Variants in CRPPA observed in about 807,000 individuals in gnomAD.
The protein encoded by CRPPA is CDP-L-ribitol pyrophosphorylase A, also known as D-ribitol-5-phosphate cytidylyltransferase.
Under a neutral mutation model 52.0 loss-of-function variants are expected in CRPPA, and 43 were observed. The ratio of observed to expected loss-of-function variants is 0.83; its 90% CI spans 0.65 to 1.07. CRPPA has a LOEUF of 1.07. Among genes scored for constraint, CRPPA ranks in the 50% least tolerant of loss-of-function variants. CRPPA has a pLI of 0.00. For missense variants in CRPPA, 629 were observed against 551.7 expected (o/e 1.14, Z -1.40); for synonymous variants, 250 against 203.5 (o/e 1.23, Z -1.94).
At chr7:16,344,226 C>G (rs1785943853) in intron 3 of CRPPA, among the ~76,000 whole-genome samples, 1 of 151,832 alleles carries the variant, frequency 6.6e-6, no homozygotes, top group Non-Finnish European at 1.5e-5. Flanking sequence ...GAGGGAAAAG[C>G]AGTCAAGAGA....
At chr7:16,351,108 T>C (rs1007855681) in intron 3 of CRPPA, among the ~76,000 whole-genome samples, 3 of 151,796 alleles carry the variant, frequency 2.0e-5, no homozygotes, top group Admixed American at 1.3e-4. Context: ...AAGCAAACAC[T>C]AAGAGATATG....
chr7:16,137,098 T>G (rs943192390), intron 9 of CRPPA, among the ~76,000 whole-genome samples: 2 of 152,242 alleles, frequency 1.3e-5, no homozygotes, highest in African/African-American at 4.8e-5. Context: ...AATTCATATG[T>G]TGAAATCCTA....
At chr7:16,133,088 T>G (rs993247017) in intron 9 of CRPPA, among the ~76,000 whole-genome samples, 1 of 121,444 alleles carries the variant, frequency 8.2e-6, no homozygotes, top group African/African-American at 2.7e-5. Flanking sequence ...GCTTGGGATG[T>G]CAAAGCACTT....
At chr7:16,282,797 T>C (rs1248915538) in intron 5 of CRPPA, among the ~76,000 whole-genome samples, 4 of 152,048 alleles carry the variant, frequency 2.6e-5, no homozygotes, top group Non-Finnish European at 5.9e-5. Flanking sequence ...GTTTCTATAT[T>C]GTCAGCTAAT....
At chr7:16,243,827 C>A (rs1783194098) in intron 8 of CRPPA, among the ~76,000 whole-genome samples, 1 of 152,012 alleles carries the variant, frequency 6.6e-6, no homozygotes, top group Admixed American at 6.6e-5. Flanking sequence ...ATTAGCCAGG[C>A]ATAGTGGTGT....
chr7:16,243,049 T>C (rs1431990973), intron 8 of CRPPA, among the ~76,000 whole-genome samples: 2 of 152,196 alleles, frequency 1.3e-5, no homozygotes, highest in Non-Finnish European at 2.9e-5. Flanking sequence ...TTTCAAATTG[T>C]AATTCCCACA....
At chr7:16,109,779 C>A (rs1027180245) in intron 9 of CRPPA, among the ~76,000 whole-genome samples, 5 of 151,928 alleles carry the variant, frequency 3.3e-5, no homozygotes, top group African/African-American at 1.2e-4. Flanking sequence ...AAAACTCTCA[C>A]ATTAGGTATA....
At position 16,284,963 on chromosome 7, in the gene CRPPA, A is replaced by T. The variant is rs143142135; in HGVS notation, c.836-6737T>A. ...TCCTCAATCCCAGAGTTATTCGAGGATCCCCAAACTAAATGAGAGGAGAAA... is the reference window on the plus strand; with the variant it reads ...TCCTCAATCCCAGAGTTATTCGAGGTTCCCCAAACTAAATGAGAGGAGAAA... On this transcript the variant is annotated intron_variant, in intron 5 of 9. Transcript: ENST00000407010. Among the ~76,000 whole-genome samples the T allele has an allele frequency of 2.1e-4, 32 of 152,280 alleles. No homozygotes were observed. In the East Asian group the frequency reaches 6.0e-3, roughly 28 times the overall value.
At chr7:16,139,543 G>C (rs551047146) in intron 9 of CRPPA, among the ~76,000 whole-genome samples, 18 of 152,108 alleles carry the variant, frequency 1.2e-4, no homozygotes, top group Admixed American at 8.5e-4. Flanking sequence ...TGGTGCAAAA[G>C]TTACTGTGGT....
chr7:16,111,663 T>G (rs148871205), intron 9 of CRPPA, among the ~76,000 whole-genome samples: 1 of 152,224 alleles, frequency 6.6e-6, no homozygotes, highest in African/African-American at 2.4e-5. Flanking sequence ...AAAATAAGCC[T>G]GACACAGAAG....
chr7:16,258,557 G>A, intron 7 of CRPPA, 75 bp from the exon 8 acceptor site: 2 of 799,814 alleles, frequency 2.5e-6, no homozygotes, highest in Non-Finnish European at 4.0e-6. Flanking sequence ...AGGAATAAAT[G>A]GAGAGATTCT....
intron 8 of CRPPA, among the ~76,000 whole-genome samples, chr7:16,227,041 G>A (rs2128401774): frequency 6.6e-6 from 1 of 152,018 alleles, no homozygotes; most frequent in Non-Finnish European, 1.5e-5. Flanking sequence ...ATGTCCTCCA[G>A]ATTCAGCCAC....
chr7:16,233,185 C>T (rs1205957002), intron 8 of CRPPA, among the ~76,000 whole-genome samples: 1 of 151,862 alleles, frequency 6.6e-6, no homozygotes, highest in Non-Finnish European at 1.5e-5. Flanking sequence ...AACAGACCAC[C>T]AGTGAGATAT....
At chr7:16,093,553 T>G (rs1583350143) in intron 9 of CRPPA, among the ~76,000 whole-genome samples, 2 of 152,312 alleles carry the variant, frequency 1.3e-5, no homozygotes, top group Admixed American at 1.3e-4. Context: ...ATCTGCAAGA[T>G]GCTGAATGTC....
intron 3 of CRPPA, among the ~76,000 whole-genome samples, chr7:16,333,223 A>G (rs1360424269): frequency 1.3e-5 from 2 of 152,192 alleles, no homozygotes; most frequent in Non-Finnish European, 2.9e-5. Context: ...CACACAAAAC[A>G]AAAGCAATAA....
intron 3 of CRPPA, among the ~76,000 whole-genome samples, chr7:16,351,755 A>T (rs1786160186): frequency 6.6e-6 from 1 of 152,220 alleles, no homozygotes; most frequent in East Asian, 1.9e-4. Flanking sequence ...TTAAAAAGTC[A>T]GGAAACAACA....
intron 9 of CRPPA, among the ~76,000 whole-genome samples, chr7:16,110,717 T>C (rs916543191): frequency 6.6e-6 from 1 of 152,106 alleles, no homozygotes; most frequent in African/African-American, 2.4e-5. Flanking sequence ...TTTCAATAAA[T>C]GGTGCTGGGA....
In CRPPA at chr7:16,263,211, T is replaced by C. The variant is rs1396520428; in HGVS notation, c.934-4199A>G. On this transcript the variant is annotated intron_variant, in intron 6 of 9. Coordinates refer to ENST00000407010, the MANE Select transcript of CRPPA (RefSeq NM_001101426.4). ...TCCCATTAGATTAAATCTAAAATAG[T>C]GACTTTGACATTAAAGCCCTTCATA... Among the ~76,000 whole-genome samples the C allele has an allele frequency of 3.9e-5, 6 of 152,146 alleles. No individual in the cohort carries two copies. The East Asian group carries it at 9.6e-4, about 24-fold the overall frequency.
At chr7:16,286,941 T>C (rs963184916) in intron 5 of CRPPA, among the ~76,000 whole-genome samples, 3 of 152,186 alleles carry the variant, frequency 2.0e-5, no homozygotes, top group Admixed American at 6.6e-5. Flanking sequence ...CTGATATCTA[T>C]GCATTATGCA....
Sources: allele counts gnomAD v4.1 joint callset (sites outside exome capture counted in the v4.1 genomes callset), GRCh38; gene constraint gnomAD v4.1.1; transcripts MANE v1.5; gene names NCBI Gene and HGNC (gene_info 2026-07-23, HGNC 2026-07-21).